Variants in SP140 observed in about 807,000 individuals in gnomAD.
The protein encoded by SP140 is SP140 nuclear body protein.
SP140 carries 81 observed loss-of-function variants against 125.0 expected under a neutral mutation model. That is an observed-to-expected ratio of 0.65 (90% CI 0.54 to 0.78). The LOEUF (loss-of-function observed/expected upper bound fraction) is 0.78. Ranked by LOEUF, SP140 falls within the 30% of genes least tolerant of loss-of-function variation. SP140 has a pLI of 0.00. For missense variants in SP140, 858 were observed against 1,037.0 expected, an observed-to-expected ratio of 0.83 and a Z score of 2.37; for synonymous variants, 312 against 354.0, an observed-to-expected ratio of 0.88 and a Z score of 1.33.
At chr2:230,201,945 T>C (rs2043226117), upstream of SP140, among the ~76,000 whole-genome samples, 1 of 152,206 alleles carries the variant, frequency 6.6e-6, no homozygotes, top group Admixed American at 6.5e-5. Flanking sequence ...TACCTCACCC[T>C]TTTAAACTAG....
upstream of SP140, among the ~76,000 whole-genome samples, chr2:230,221,501 C>T (rs931307065): frequency 3.9e-5 from 6 of 152,110 alleles, no homozygotes; most frequent in African/African-American, 1.4e-4. Flanking sequence ...CTAGTATGTA[C>T]AGAATAGCAG....
intron 15 of SP140, among the ~76,000 whole-genome samples, chr2:230,274,582 A>G (rs1366622110): frequency 2.0e-5 from 3 of 152,152 alleles, no homozygotes; most frequent in Non-Finnish European, 4.4e-5. Flanking sequence ...GGTGCATGTC[A>G]GATTTCCAAC....
chr2:230,230,947 C>T (rs1252217075), intron 1 of SP140, among the ~76,000 whole-genome samples: 3 of 151,090 alleles, frequency 2.0e-5, no homozygotes, highest in Non-Finnish European at 3.0e-5. Context: ...TTGTTTTTTC[C>T]TTTTTTTTTC....
intron 14 of SP140, 22 bp from the exon 15 acceptor site, chr2:230,270,564 A>G (rs1481565080): frequency 1.9e-6 from 3 of 1,599,164 alleles, no homozygotes; most frequent in Middle Eastern, 2.3e-4. Context: ...CTGTTTCCTC[A>G]CCACCACTTG....
At position 230,285,763 on chromosome 2, in the gene SP140, G is replaced by A. The variant is rs1428437495; in HGVS notation, c.1576G>A (p.Ala526Thr). 1 of 1,613,622 alleles carries A rather than the reference G, an allele frequency of 6.2e-7. No homozygotes were observed. The highest frequency in any genetic ancestry group is 1.1e-5 in the South Asian group (1 of 91,058). ...ENSQQNDNSK[A>T]DGQVVSSEKK... ...CTGCCTATCCCCAGATAATAGCAAA[G>A]CCGACGGCCAGGTGGTCTCCAGTGA... Residue 526 changes from alanine (A) to threonine (T), a missense_variant, in exon 17 of 27, where the codon GCC becomes ACC. By Grantham distance (58) the Ala-to-Thr change is moderately conservative. Transcript: ENST00000392045.
intron 4 of SP140, 119 bp from the exon 5 acceptor site, chr2:230,243,610 TGG>T: frequency 1.4e-6 from 1 of 723,460 alleles, no homozygotes; most frequent in Non-Finnish European, 2.4e-6. Flanking sequence ...TCAGGTTGTT[TGG>T]GGAGAGGGGA....
chr2:230,274,262 T>C (rs886654088), intron 15 of SP140, among the ~76,000 whole-genome samples: 1 of 152,182 alleles, frequency 6.6e-6, no homozygotes, highest in Non-Finnish European at 1.5e-5. Context: ...AAGATTTCCA[T>C]GTCCTATCTC....
At chr2:230,310,131 GA>G (rs1014301539) in intron 23 of SP140, 92 bp downstream of exon 23, 2 of 1,233,656 alleles carry the variant, frequency 1.6e-6, no homozygotes, top group African/African-American at 3.0e-5. Flanking sequence ...CTTGTGTCTA[GA>G]TGGGGAAAGA....
At chr2:230,268,327 C>G (rs1172584122) in intron 12 of SP140, among the ~76,000 whole-genome samples, 1 of 151,968 alleles carries the variant, frequency 6.6e-6, no homozygotes, top group East Asian at 1.9e-4. Flanking sequence ...AGTTCGAGAC[C>G]AGCCTGGCCA....
intron 12 of SP140, among the ~76,000 whole-genome samples, chr2:230,263,502 T>G (rs986997463): frequency 3.3e-5 from 5 of 152,238 alleles, no homozygotes; most frequent in African/African-American, 9.6e-5. Flanking sequence ...ATTGTGCTTT[T>G]TGTTGCCTGT....
the SP140 span, among the ~76,000 whole-genome samples, chr2:230,193,099 T>C: frequency 6.6e-6 from 1 of 152,256 alleles, no homozygotes; most frequent in Non-Finnish European, 1.5e-5. Context: ...TTTATCATTA[T>C]ATAATGACCT....
chr2:230,249,805 A>G (rs1202956346), intron 9 of SP140, among the ~76,000 whole-genome samples: 1 of 152,198 alleles, frequency 6.6e-6, no homozygotes, highest in Admixed American at 6.5e-5. Flanking sequence ...GTCAGTCACT[A>G]GATAGAAGCA....
chr2:230,229,730 A>G (rs2046982187), intron 1 of SP140, among the ~76,000 whole-genome samples: 1 of 152,002 alleles, frequency 6.6e-6, no homozygotes, highest in Non-Finnish European at 1.5e-5. Flanking sequence ...GCTTTCTGGC[A>G]AAGAATTTCC....
chr2:230,306,399 T>C (rs2058764372), intron 22 of SP140, among the ~76,000 whole-genome samples: 1 of 152,224 alleles, frequency 6.6e-6, no homozygotes, highest in Non-Finnish European at 1.5e-5. Context: ...GGGGCATGGC[T>C]GAGGCCGCCC....
intron 12 of SP140, among the ~76,000 whole-genome samples, chr2:230,257,575 G>A (rs62191185): frequency 0.4 from 60,608 of 151,948 alleles, 12,301 homozygotes; most frequent in Middle Eastern, 0.48. Context: ...AAGGCCAGCC[G>A]GGCCAACATG....
At chr2:230,207,314 A>G (rs2043976418) in intron 1 of SP140, among the ~76,000 whole-genome samples, 1 of 152,158 alleles carries the variant, frequency 6.6e-6, no homozygotes, top group Non-Finnish European at 1.5e-5. Flanking sequence ...TGGGAGACAG[A>G]CGCTGCAATA....
At chr2:230,313,688 C>T (rs1246948329), downstream of SP140, among the ~76,000 whole-genome samples, 1 of 152,148 alleles carries the variant, frequency 6.6e-6, no homozygotes, top group Non-Finnish European at 1.5e-5. Context: ...AGGTAATGGC[C>T]CCAGGAAGCG....
intron 6 of SP140, among the ~76,000 whole-genome samples, chr2:230,245,572 T>C (rs1206615377): frequency 6.6e-6 from 1 of 151,920 alleles, no homozygotes; most frequent in African/African-American, 2.4e-5. Flanking sequence ...AAAGAAATGG[T>C]AGAAGTCAGG....
At chr2:230,189,155 G>A in the SP140 span, among the ~76,000 whole-genome samples, 4 of 152,034 alleles carry the variant, frequency 2.6e-5, no homozygotes, top group East Asian at 7.7e-4. Flanking sequence ...CAAAGAACCA[G>A]CTTTTTGTTT....
Sources: gnomAD v4.1 joint callset for allele counts (sites outside exome capture counted in the v4.1 genomes callset) on GRCh38, gnomAD v4.1.1 for gene constraint, MANE v1.5 for transcripts, NCBI Gene and HGNC (gene_info 2026-07-23, HGNC 2026-07-21) for gene names.